Variants in MAGI1 observed in about 807,000 individuals in gnomAD.
The protein encoded by MAGI1 is membrane-associated guanylate kinase, WW and PDZ domain-containing protein 1.
Under a neutral mutation model 139.9 loss-of-function variants are expected in MAGI1, and 58 were observed. That is an observed-to-expected ratio of 0.41 (90% CI 0.34 to 0.52). The LOEUF (loss-of-function observed/expected upper bound fraction) is 0.52. MAGI1 is among the 20% of genes least tolerant of loss of function. MAGI1 has a pLI of 0.12. For missense variants in MAGI1, 1,874 were observed against 1,901.6 expected (o/e 0.99, Z 0.27); for synonymous variants, 812 against 737.9 (o/e 1.10, Z -1.63).
Position 65,849,847 on chromosome 3 carries a change from T to A in MAGI1, c.313+188149A>T, listed in dbSNP as rs528076490. On this transcript the variant is annotated intron_variant, in intron 1 of 22. Coordinates refer to ENST00000402939, the MANE Select transcript of MAGI1 (RefSeq NM_001033057.2). ...CTTTTTCCAGGTTCCACTAAAGATTTGATGTCAGTGTTTGGGAATCTACAG... is the reference window on the plus strand; with the variant it reads ...CTTTTTCCAGGTTCCACTAAAGATTAGATGTCAGTGTTTGGGAATCTACAG... Among the ~76,000 whole-genome samples the A allele has an allele frequency of 5.9e-5, 9 of 152,296 alleles. No homozygotes were observed. In the South Asian group the frequency reaches 1.4e-3, roughly 25 times the overall value.
intron 2 of MAGI1, among the ~76,000 whole-genome samples, chr3:65,514,293 A>C (rs1300415222): frequency 2.7e-3 from 361 of 131,940 alleles, no homozygotes; most frequent in Non-Finnish European, 4.7e-3. Flanking sequence ...GCAACAAAAG[A>C]CAAAATTGAC....
At chr3:65,422,929 C>A (rs1007599974) in intron 12 of MAGI1, among the ~76,000 whole-genome samples, 1 of 152,108 alleles carries the variant, frequency 6.6e-6, no homozygotes, top group African/African-American at 2.4e-5. Flanking sequence ...ACATGAGGAA[C>A]TGCCTTGATC....
intron 1 of MAGI1, among the ~76,000 whole-genome samples, chr3:65,946,686 C>G (rs1576200533): frequency 6.6e-6 from 1 of 152,172 alleles, no homozygotes; most frequent in African/African-American, 2.4e-5. Context: ...ACACCACACA[C>G]GCACACCCAG....
rs186014415 is a variant in MAGI1 at position 65,365,103 on chromosome 3, A to C, written c.3197-157T>G. The C allele has an allele frequency of 9.3e-5, 72 of 777,756 alleles. No homozygotes were observed. In the African/African-American group the frequency reaches 1.1e-3, roughly 12 times the overall value. 48.2% of individuals were successfully genotyped at this position (777,756 alleles called of 1,614,324 possible). ...GAATTTCTAGACAATTAGGAGTTTA[A>C]TAAACCATTTTAAGATCTTCTCTGA... On this transcript the variant is annotated intron_variant, in intron 18 of 22. Transcript: ENST00000402939.
chr3:65,718,321 A>G (rs186536214), intron 1 of MAGI1: 1 of 152,304 alleles, frequency 6.6e-6, no homozygotes, highest in East Asian at 1.9e-4. Flanking sequence ...GAAAAAAAGG[A>G]TAACGGTGAG....
At chr3:65,971,072 G>A (rs969143654) in intron 1 of MAGI1, among the ~76,000 whole-genome samples, 4 of 152,024 alleles carry the variant, frequency 2.6e-5, no homozygotes, top group African/African-American at 2.4e-5. Flanking sequence ...GCATGGTGGC[G>A]GGCGCCTGTA....
chr3:65,594,180 A>G (rs962025999), intron 2 of MAGI1, among the ~76,000 whole-genome samples: 10 of 152,220 alleles, frequency 6.6e-5, no homozygotes, highest in Non-Finnish European at 1.3e-4. Flanking sequence ...ACCAAACCAG[A>G]TATCTAGATG....
intron 1 of MAGI1, among the ~76,000 whole-genome samples, chr3:65,747,678 G>C (rs1226685091): frequency 2.0e-5 from 3 of 152,090 alleles, no homozygotes; most frequent in Non-Finnish European, 4.4e-5. Context: ...ATTCATCAAT[G>C]GTAACAAATG....
chr3:65,555,078 A>C (rs1576305931), intron 2 of MAGI1, among the ~76,000 whole-genome samples: 1 of 152,344 alleles, frequency 6.6e-6, no homozygotes, highest in East Asian at 1.9e-4. Context: ...GAAAGCTGAG[A>C]GGAGAATAAA....
chr3:66,038,151 G>A lies in MAGI1; in HGVS notation c.158C>T (p.Ala53Val). Reference sequence around the variant, plus strand: ...GCCCTCGCCGCCGCCGGGAAGCCCCGCTGCCTCGACCGCCGCCACCGCTCC... The same window carrying A: ...GCCCTCGCCGCCGCCGGGAAGCCCCACTGCCTCGACCGCCGCCACCGCTCC... ...YVGAVAAVEAAGLPGGGEGPR... is the reference protein window; with the variant it reads ...YVGAVAAVEAVGLPGGGEGPR... The change falls in exon 1 of 23, where the codon GCG (alanine) becomes GTG (valine). Residue 53 changes from alanine (A) to valine (V), a missense_variant. Ala to Val is a moderately conservative substitution (Grantham distance 64). Transcript: ENST00000402939. 1 of 1,611,804 alleles carries A rather than the reference G, an allele frequency of 6.2e-7. No individual in the cohort carries two copies. Among genetic ancestry groups the A allele is most frequent in the Non-Finnish European group, 8.5e-7 (1 of 1,179,406 alleles).
intron 14 of MAGI1, among the ~76,000 whole-genome samples, chr3:65,389,191 T>C (rs1943696385): frequency 1.3e-5 from 2 of 152,140 alleles, no homozygotes; most frequent in East Asian, 3.9e-4. Flanking sequence ...GTACTTACAG[T>C]AGCTGGCTAT....
At chr3:65,884,203 C>G (rs1014177674) in intron 1 of MAGI1, among the ~76,000 whole-genome samples, 1 of 152,134 alleles carries the variant, frequency 6.6e-6, no homozygotes. Context: ...AAAACACGTC[C>G]GAATAAAGCC....
At chr3:65,856,277 A>G (rs2059376373) in intron 1 of MAGI1, among the ~76,000 whole-genome samples, 1 of 151,690 alleles carries the variant, frequency 6.6e-6, no homozygotes, top group Non-Finnish European at 1.5e-5. Flanking sequence ...AGACTCCAGA[A>G]GAGTAGAATG....
rs368306144 is a variant in MAGI1, at chr3:65,697,051, A to G, written c.314-74963T>C. 1.9e-3 allele frequency among the ~76,000 whole-genome samples: 283 copies of G among 152,292 alleles called. 1 individual carries two copies. Among genetic ancestry groups the G allele is most frequent in the African/African-American group, 3.7e-3 (155 of 41,552 alleles). The stretch of plus-strand genomic sequence containing the variant: ...AAATGATAAAGGGGATATCACCACC[A>G]ATCCCACAGAAATACAAACTACCAT... On this transcript the variant is annotated intron_variant, in intron 1 of 22. Transcript: ENST00000402939.
chr3:65,420,781 C>A (rs925204556), intron 12 of MAGI1, among the ~76,000 whole-genome samples: 4 of 152,192 alleles, frequency 2.6e-5, no homozygotes, highest in Admixed American at 2.0e-4. Flanking sequence ...ATAAATCACA[C>A]ACGAACACAT....
intron 1 of MAGI1, among the ~76,000 whole-genome samples, chr3:65,959,796 C>G (rs1414629393): frequency 2.1e-5 from 2 of 94,878 alleles, no homozygotes; most frequent in Middle Eastern, 6.2e-3. Context: ...AATAAATTCT[C>G]TCTTTTTTTT....
intron 1 of MAGI1, among the ~76,000 whole-genome samples, chr3:65,715,370 G>C (rs954279929): frequency 1.3e-5 from 2 of 152,056 alleles, no homozygotes; most frequent in African/African-American, 4.8e-5. Flanking sequence ...TTTTGTTTTG[G>C]TTTTAGTAAT....
chr3:65,761,699 G>C (rs1420952083), intron 1 of MAGI1, among the ~76,000 whole-genome samples: 1 of 152,172 alleles, frequency 6.6e-6, no homozygotes, highest in Non-Finnish European at 1.5e-5. Context: ...AATGAACCTA[G>C]AATGCACAAT....
chr3:65,685,888 C>T (rs1415826259), intron 1 of MAGI1, among the ~76,000 whole-genome samples: 1 of 152,176 alleles, frequency 6.6e-6, no homozygotes, highest in African/African-American at 2.4e-5. Context: ...GGAAGTTAGA[C>T]ACGTTTTCTT....
Sources: gnomAD v4.1 joint callset for allele counts (sites outside exome capture counted in the v4.1 genomes callset) on GRCh38, gnomAD v4.1.1 for gene constraint, MANE v1.5 for transcripts, NCBI Gene and HGNC (gene_info 2026-07-23, HGNC 2026-07-21) for gene names.